The following GRB14 variants were observed in gnomAD, a reference collection of about 807,000 sequenced individuals.
The protein encoded by GRB14 is growth factor receptor bound protein 14.
GRB14 carries 38 observed loss-of-function variants against 69.1 expected under a neutral mutation model. That is an observed-to-expected ratio of 0.55 (90% confidence interval 0.42 to 0.72). The LOEUF (loss-of-function observed/expected upper bound fraction) is 0.72, where lower values mean the gene tolerates loss of function less well. Among genes scored for constraint, GRB14 ranks in the 30% least tolerant of loss-of-function variants. The pLI, the probability that GRB14 is intolerant of heterozygous loss-of-function variation, is 0.00. For missense variants in GRB14, 666 were observed against 666.1 expected (o/e 1.00, Z 0.00); for synonymous variants, 247 against 241.3 (o/e 1.02, Z -0.22).
intron 12 of GRB14, among the ~76,000 whole-genome samples, chr2:164,496,517 G>T (rs1239875937): frequency 6.6e-6 from 1 of 151,890 alleles, no homozygotes; most frequent in Non-Finnish European, 1.5e-5. Flanking sequence ...TTTAGAGAAA[G>T]GACAATAGGG....
intron 2 of GRB14, among the ~76,000 whole-genome samples, chr2:164,574,447 G>A (rs1361124755): frequency 6.6e-6 from 1 of 151,856 alleles, no homozygotes; most frequent in Non-Finnish European, 1.5e-5. Flanking sequence ...CACCACGTTG[G>A]CCAGGATGGT....
intron 6 of GRB14, among the ~76,000 whole-genome samples, chr2:164,511,040 CTACCCATGGAGGGAGGAT>C (rs144179277): frequency 0.03 from 4,513 of 152,294 alleles, 73 homozygotes; most frequent in Middle Eastern, 0.044. Flanking sequence ...CAGCTGACAC[CTACCCATGGAGGGAGGAT>C]TTAGACCAGC....
intron 6 of GRB14, among the ~76,000 whole-genome samples, chr2:164,509,156 G>A (rs541014535): frequency 1.5e-4 from 23 of 152,184 alleles, no homozygotes; most frequent in South Asian, 4.1e-4. Flanking sequence ...ATCTGAGAGA[G>A]AAAAAAGTTA....
At chr2:164,580,164 G>A (rs1689362792) in intron 2 of GRB14, among the ~76,000 whole-genome samples, 1 of 150,344 alleles carries the variant, frequency 6.7e-6, no homozygotes, top group South Asian at 2.1e-4. Flanking sequence ...GCGTGGTCTC[G>A]CCTCACTGCA....
intron 2 of GRB14, among the ~76,000 whole-genome samples, chr2:164,562,708 T>C (rs1162054567): frequency 2.0e-5 from 3 of 152,186 alleles, no homozygotes; most frequent in African/African-American, 7.2e-5. Flanking sequence ...TTCTGTTGAA[T>C]CCTCACAACT....
At chr2:164,575,216 C>A (rs1689224280) in intron 2 of GRB14, among the ~76,000 whole-genome samples, 2 of 152,206 alleles carry the variant, frequency 1.3e-5, no homozygotes, top group African/African-American at 4.8e-5. Context: ...TTTTTAAATT[C>A]AATCAAACTC....
chr2:164,541,137 T>C (rs1688225914), intron 3 of GRB14, among the ~76,000 whole-genome samples: 1 of 152,140 alleles, frequency 6.6e-6, no homozygotes, highest in South Asian at 2.1e-4. Flanking sequence ...TTGAGGTATT[T>C]ACAATGAGAT....
In GRB14 at chr2:164,562,357, T is replaced by A. The variant is rs993274896; in HGVS notation, c.325-14541A>T. Among the ~76,000 whole-genome samples, 5 of 152,190 alleles carry A rather than the reference T, an allele frequency of 3.3e-5. No individual in the cohort carries two copies. In the East Asian group the frequency reaches 5.8e-4, roughly 18 times the overall value. On this transcript the variant is annotated intron_variant, in intron 2 of 13. Coordinates refer to ENST00000263915, the MANE Select transcript of GRB14 (RefSeq NM_004490.3). ...CCAAAGATTTTAAAAAATATATTCA[T>A]CAGCGTATATAGTTGGATTCATTTT...
chr2:164,583,361 A>T (rs1372355407), intron 2 of GRB14, among the ~76,000 whole-genome samples: 1 of 152,254 alleles, frequency 6.6e-6, no homozygotes, highest in African/African-American at 2.4e-5. Context: ...CAACAGTTGT[A>T]AAAAGAAGTT....
chr2:164,556,699 T>C (rs555480691), intron 2 of GRB14, among the ~76,000 whole-genome samples: 3 of 152,142 alleles, frequency 2.0e-5, no homozygotes, highest in Non-Finnish European at 4.4e-5. Context: ...GGAGGAAGCT[T>C]CCAAAGACCC....
At chr2:164,550,387 A>T (rs992544416) in intron 2 of GRB14, among the ~76,000 whole-genome samples, 1 of 152,240 alleles carries the variant, frequency 6.6e-6, no homozygotes, top group Admixed American at 6.5e-5. Flanking sequence ...ATAAACTTCT[A>T]TTCTGTTAAC....
chr2:164,583,859 T>C (rs1689472588), intron 2 of GRB14, among the ~76,000 whole-genome samples: 1 of 152,206 alleles, frequency 6.6e-6, no homozygotes, highest in Non-Finnish European at 1.5e-5. Flanking sequence ...TGGACTTTTC[T>C]TACTTGAGGG....
chr2:164,620,472 G>A (rs1269617705), intron 1 of GRB14, among the ~76,000 whole-genome samples: 1 of 151,872 alleles, frequency 6.6e-6, no homozygotes, highest in Non-Finnish European at 1.5e-5. Flanking sequence ...TAGTCCACTG[G>A]AGAGTAATTT....
intron 2 of GRB14, among the ~76,000 whole-genome samples, chr2:164,589,844 G>A (rs1208631020): frequency 1.3e-5 from 2 of 152,154 alleles, no homozygotes; most frequent in Non-Finnish European, 2.9e-5. Flanking sequence ...AGCAACAAAA[G>A]TTTCTTTCTC....
chr2:164,498,652 G>A (rs966625889), intron 9 of GRB14, among the ~76,000 whole-genome samples: 2 of 152,084 alleles, frequency 1.3e-5, no homozygotes, highest in Non-Finnish European at 2.9e-5. Flanking sequence ...CCTGCATCTG[G>A]GGCCCCCTGG....
chr2:164,609,342 T>C (rs1037310482), intron 2 of GRB14, among the ~76,000 whole-genome samples: 5 of 152,126 alleles, frequency 3.3e-5, no homozygotes, highest in Non-Finnish European at 7.3e-5. Context: ...GCTCCAGAGC[T>C]CTCCTACGGG....
At position 164,493,330 on chromosome 2, in the gene GRB14, G is replaced by GTT; in HGVS notation, c.1477-150_1477-149dup. 6.4e-6 allele frequency: 4 copies of GTT among 623,320 alleles called. No homozygotes were observed. The South Asian group carries it at 9.4e-5, about 15-fold the overall frequency. 38.6% of individuals were successfully genotyped at this position (623,320 alleles called of 1,614,324 possible). A position where few individuals can be genotyped will look rare whatever the true frequency, so the allele number is the denominator to read the frequency against. ...AAAGAATGTTACGGCATATCTACTTGTTTTTTTTAACATCACTTGCATTTA... is the reference window on the plus strand; with the variant it reads ...AAAGAATGTTACGGCATATCTACTTGTTTTTTTTTTAACATCACTTGCATTTA... On this transcript the variant is annotated intron_variant, in intron 13 of 13. Coordinates refer to ENST00000263915, the MANE Select transcript of GRB14 (RefSeq NM_004490.3).
rs78643189 is a variant in GRB14 at position 164,528,600 on chromosome 2, T to C, written c.482-1465A>G. Among the ~76,000 whole-genome samples the C allele has an allele frequency of 7.8e-3, 1,189 of 152,212 alleles. 8 individuals are homozygous for C. Among genetic ancestry groups the C allele is most frequent in the Non-Finnish European group, 0.013 (877 of 67,982 alleles). On this transcript the variant is annotated intron_variant, in intron 3 of 13. Transcript: ENST00000263915. ...GTTTGAGCTAAGTATATATCAACAC[T>C]TGGGGTTCTATTCCTAACTCTGATT...
chr2:164,576,167 C>T lies in GRB14; in HGVS notation c.325-28351G>A, dbSNP rs551834650. Among the ~76,000 whole-genome samples the T allele has an allele frequency of 3.3e-5, 5 of 151,014 alleles. No homozygotes were observed. The East Asian group carries it at 9.8e-4, about 30-fold the overall frequency. On this transcript the variant is annotated intron_variant, in intron 2 of 13. Transcript: ENST00000263915. Reference sequence around the variant, plus strand: ...AAAAATAAAATGATTATAAACGTCTCGGTGTCATATAGTACACATTTGTAA... The same window carrying T: ...AAAAATAAAATGATTATAAACGTCTTGGTGTCATATAGTACACATTTGTAA...
Sources: gnomAD v4.1 joint callset for allele counts (sites outside exome capture counted in the v4.1 genomes callset) on GRCh38, gnomAD v4.1.1 for gene constraint, MANE v1.5 for transcripts, NCBI Gene and HGNC (gene_info 2026-07-23, HGNC 2026-07-21) for gene names.